CENPE: variants seen among roughly 807,000 people sequenced by gnomAD.
CENPE encodes the protein centromere-associated protein E.
CENPE carries 145 observed loss-of-function variants against 336.1 expected under a neutral mutation model. The observed-to-expected ratio is 0.43, with a 90% CI of 0.38 to 0.50. The LOEUF (loss-of-function observed/expected upper bound fraction) is 0.50, where lower values mean the gene tolerates loss of function less well. Ranked by LOEUF, CENPE falls within the 20% of genes least tolerant of loss-of-function variation. The pLI is 0.00. For synonymous variants in CENPE, 1,013 were observed against 984.8 expected, an observed-to-expected ratio of 1.03 and a Z score of -0.54; for missense variants, 2,719 against 3,023.3, an observed-to-expected ratio of 0.90 and a Z score of 2.36.
chr4:103,130,718 G>A (rs555009061), intron 42 of CENPE, among the ~76,000 whole-genome samples: 137 of 152,190 alleles, frequency 9.0e-4, no homozygotes, highest in Middle Eastern at 6.8e-3. Context: ...GAAGAACGAC[G>A]TCAGAGAACT....
At chr4:103,120,388 T>G (rs755967416) in intron 43 of CENPE, 55 bp from the exon 44 acceptor site, 1 of 1,426,322 alleles carries the variant, frequency 7.0e-7, no homozygotes, top group Non-Finnish European at 9.6e-7. Context: ...AATCACAGTA[T>G]AGAAATTTGA....
chr4:103,135,236 C>T (rs1422211514), intron 40 of CENPE, among the ~76,000 whole-genome samples: 2 of 152,174 alleles, frequency 1.3e-5, no homozygotes, highest in African/African-American at 4.8e-5. Context: ...TGATCAGTCT[C>T]AAATGTTAGT....
At chr4:103,138,580 C>T (rs973493260) in intron 38 of CENPE, 131 bp from the exon 39 acceptor site, 3 of 657,726 alleles carry the variant, frequency 4.6e-6, no homozygotes, top group Non-Finnish European at 5.4e-6. Flanking sequence ...CACTCAAAAG[C>T]AATGTTAAAA....
In CENPE at chr4:103,180,353, C is replaced by T; in HGVS notation, c.1200G>A (p.Met400Ile). ...QNEKIENLTR[M>I]LVTSSSLTLQ... is the part of the protein sequence containing the mutation. The stretch of plus-strand genomic sequence containing the variant: ...ACGTGAGGGAAGAAGAGGTCACCAG[C>T]ATCCGTGTTAAGTTTTCAATTTTCT... The change falls in exon 13 of 49, where the codon ATG becomes ATA. Residue 400 changes from methionine to isoleucine, a missense_variant. Met to Ile is a conservative substitution (Grantham distance 10). Coordinates refer to ENST00000265148, the MANE Select transcript of CENPE (RefSeq NM_001813.3). 6.2e-7 allele frequency: 1 copy of T among 1,613,198 alleles called. No homozygotes were observed. The highest frequency in any genetic ancestry group is 1.1e-5 in the South Asian group (1 of 90,966).
chr4:103,110,772 C>A, intron 47 of CENPE, 56 bp downstream of exon 47: 1 of 1,371,672 alleles, frequency 7.3e-7, no homozygotes, highest in East Asian at 2.4e-5. Context: ...TACCATGTCC[C>A]TACATATATG....
chr4:103,124,325 G>A (rs1039151470), intron 42 of CENPE, among the ~76,000 whole-genome samples: 1 of 152,192 alleles, frequency 6.6e-6, no homozygotes, highest in African/African-American at 2.4e-5. Context: ...TGAAATTTCA[G>A]ATGTTGGATG....
At chr4:103,173,874 TG>T (rs1219189180) in intron 16 of CENPE, among the ~76,000 whole-genome samples, 1 of 151,906 alleles carries the variant, frequency 6.6e-6, no homozygotes, top group Non-Finnish European at 1.5e-5. Flanking sequence ...GAGAACTTGT[TG>T]GCAAGGATGT....
chr4:103,160,644 A>C lies in CENPE; in HGVS notation c.2267T>G (p.Val756Gly). ...GTTTACCTCTTTCCTCAGCCTTTCT[A>C]CTTCAGAAGGTAAAGATTTCAATTC... ...LSELKSLPSEVERLRKEIQDK... is the reference protein window; with the variant it reads ...LSELKSLPSEGERLRKEIQDK... Residue 756 changes from valine (V) to glycine (G), a missense_variant, in exon 21 of 49, where the codon GTA (valine) becomes GGA (glycine). Val to Gly is a moderately radical substitution (Grantham distance 109). Transcript: ENST00000265148. 1 of 1,608,922 alleles carries C rather than the reference A, an allele frequency of 6.2e-7. No homozygotes were observed. Among genetic ancestry groups the C allele is most frequent in the Non-Finnish European group, 8.5e-7 (1 of 1,177,886 alleles).
At position 103,176,990 on chromosome 4, in the gene CENPE, G is replaced by A. The variant is rs774881070; in HGVS notation, c.1299C>T (p.Asn433=). Residue 433 remains asparagine, a synonymous_variant, in exon 14 of 49, where the codon AAC becomes AAT. Transcript: ENST00000265148. ...WCLGKINKMK[N]SNYADQFNIP... is the part of the protein sequence containing the mutation. Reference sequence around the variant, plus strand: ...TATTAAATTGATCTGCATAGTTTGAGTTCTTCATTTTGTTAATTTTGCCAA... The same window carrying A: ...TATTAAATTGATCTGCATAGTTTGAATTCTTCATTTTGTTAATTTTGCCAA... The A allele has an allele frequency of 6.2e-7, 1 of 1,608,066 alleles. No homozygotes were observed. Among genetic ancestry groups the A allele is most frequent in the Admixed American group, 1.7e-5 (1 of 59,004 alleles).
intron 2 of CENPE, among the ~76,000 whole-genome samples, 176 bp from the exon 3 acceptor site, chr4:103,196,428 A>G (rs1482374838): frequency 1.3e-5 from 2 of 152,134 alleles, no homozygotes; most frequent in African/African-American, 2.4e-5. Context: ...ACCCTTCCCT[A>G]AGGTAAAATG....
At chr4:103,161,540 T>TAAC in intron 18 of CENPE, 83 bp from the exon 19 acceptor site, 1 of 1,194,930 alleles carries the variant, frequency 8.4e-7, no homozygotes, top group Non-Finnish European at 1.1e-6. Flanking sequence ...ATATAAATGT[T>TAAC]AACTCTAGCT....
intron 31 of CENPE, 81 bp from the exon 32 acceptor site, chr4:103,145,415 A>G (rs1434652335): frequency 1.5e-6 from 2 of 1,372,210 alleles, no homozygotes; most frequent in Non-Finnish European, 2.0e-6. Context: ...TAAGAGGAAA[A>G]GGTTGCTTCC....
At position 103,122,945 on chromosome 4, in the gene CENPE, C is replaced by A; in HGVS notation, c.7069G>T (p.Ala2357Ser). The A allele has an allele frequency of 1.9e-6, 3 of 1,613,956 alleles. No individual in the cohort carries two copies. Among genetic ancestry groups the A allele is most frequent in the Non-Finnish European group, 2.5e-6 (3 of 1,179,870 alleles). ...QTLKTSLASG[A>S]QVNPTTQDNK... ...TCTTGTGTGGTAGGATTAACCTGGGCACCAGATGCCAAGGAAGTCTTCAAT... is the reference window on the plus strand; with the variant it reads ...TCTTGTGTGGTAGGATTAACCTGGGAACCAGATGCCAAGGAAGTCTTCAAT... The change falls in exon 43 of 49, where the codon GCC (alanine) becomes TCC (serine). Residue 2357 changes from alanine (A) to serine (S), a missense_variant. By Grantham distance (99) the Ala-to-Ser change is moderately conservative. Around this residue, in one of 5 missense-constraint regions of CENPE, gnomAD observed 2,437 missense variants for 2,513.3 expected, o/e 0.97. Transcript: ENST00000265148.
Position 103,136,141 on chromosome 4 carries a change from C to A in CENPE, c.6522G>T (p.Lys2174Asn), listed in dbSNP as rs773627455. Reference sequence around the variant, plus strand: ...AGGATATTACTAAAAAAGATGGTACCTTCAGTTTCTTCATGATTCTGTGGA... The same window carrying A: ...AGGATATTACTAAAAAAGATGGTACATTCAGTTTCTTCATGATTCTGTGGA... ...MEFHRIMKKLKYVLSYVTKIK... is the reference protein window; with the variant it reads ...MEFHRIMKKLNYVLSYVTKIK... The change falls in exon 40 of 49, where the codon AAG (lysine) becomes AAT (asparagine). Residue 2174 changes from lysine (K) to asparagine (N), a missense_variant and splice_region_variant. This residue lies in a region of CENPE where 2,437 missense variants were observed against 2,513.3 expected (regional missense o/e 0.97). Transcript: ENST00000265148. 1 of 1,607,818 alleles carries A rather than the reference C, an allele frequency of 6.2e-7. No homozygotes were observed. Among genetic ancestry groups the A allele is most frequent in the Non-Finnish European group, 8.5e-7 (1 of 1,176,900 alleles).
chr4:103,108,254 TTTTTA>T (rs1749069777), intron 48 of CENPE, among the ~76,000 whole-genome samples: 1 of 152,162 alleles, frequency 6.6e-6, no homozygotes, highest in South Asian at 2.1e-4. Flanking sequence ...CTTTTTTTTT[TTTTTA>T]ATCACTTGAT....
rs772229993 is a variant in CENPE, at chr4:103,140,056, T to A, written c.5937A>T (p.Glu1979Asp). Residue 1979 changes from glutamate (E) to aspartate (D), a missense_variant, in exon 38 of 49, where the codon GAA becomes GAT. Glu to Asp is a conservative substitution (Grantham distance 45). This residue lies in a region of CENPE where 2,437 missense variants were observed against 2,513.3 expected (regional missense o/e 0.97). Coordinates refer to ENST00000265148, the MANE Select transcript of CENPE (RefSeq NM_001813.3). ...CTTCTTTCACTCTAAGCAGTTGAAG[T>A]TCTTTTTTCTGAAGTTCTTGGATCT... is the stretch of plus-strand genomic sequence containing the variant. ...QKKIQELQKKELQLLRVKEDV... is the reference protein window; with the variant it reads ...QKKIQELQKKDLQLLRVKEDV... 4 of 1,603,474 alleles carry A rather than the reference T, an allele frequency of 2.5e-6. No homozygotes were observed. Among genetic ancestry groups the A allele is most frequent in the Middle Eastern group, 1.7e-4 (1 of 5,776 alleles).
chr4:103,188,422 C>T (rs867266820), intron 8 of CENPE, among the ~76,000 whole-genome samples: 24 of 152,244 alleles, frequency 1.6e-4, no homozygotes, highest in African/African-American at 5.5e-4. Flanking sequence ...TGTAAAAGAA[C>T]AGAAATGATA....
At chr4:103,141,963 A>C in intron 34 of CENPE, 55 bp from the exon 35 acceptor site, 1 of 1,074,662 alleles carries the variant, frequency 9.3e-7, no homozygotes, top group East Asian at 2.6e-5. Context: ...TTAGTTTTTA[A>C]AAAATAAAGT....
At chr4:103,163,771 T>TA (rs10541516) in intron 16 of CENPE, among the ~76,000 whole-genome samples, 26 of 150,792 alleles carry the variant, frequency 1.7e-4, no homozygotes, top group South Asian at 1.0e-3. Context: ...ATCAAACAAA[T>TA]AAAAAAAAAC....
Sources: allele counts gnomAD v4.1 joint callset (sites outside exome capture counted in the v4.1 genomes callset), GRCh38; gene constraint gnomAD v4.1.1; regional missense constraint gnomAD v4.1.1; transcripts MANE v1.5; gene names NCBI Gene and HGNC (gene_info 2026-07-23, HGNC 2026-07-21).